Variants in KIF3A observed in about 807,000 individuals in gnomAD.
KIF3A encodes kinesin-like protein KIF3A.
In KIF3A, 27 loss-of-function variants were observed where a neutral mutation model predicts 92.6. The ratio of observed to expected loss-of-function variants is 0.29; its 90% CI spans 0.21 to 0.40. The LOEUF (loss-of-function observed/expected upper bound fraction) is 0.40. Among genes scored for constraint, KIF3A ranks in the 10% least tolerant of loss-of-function variants. KIF3A has a pLI of 1.00. For missense variants in KIF3A, 581 were observed against 872.6 expected (o/e 0.67, Z 4.21); for synonymous variants, 250 against 275.4 (o/e 0.91, Z 0.92).
chr5:132,703,445 C>A lies in KIF3A; in HGVS notation c.1466+18G>T. Reference sequence around the variant, plus strand: ...AGAAATTTAAATCATGAATTCATCTCAATTCAATAATACTCACTGGGCTTT... The same window carrying A: ...AGAAATTTAAATCATGAATTCATCTAAATTCAATAATACTCACTGGGCTTT... On this transcript the variant is annotated intron_variant, in intron 12 of 18. Transcript: ENST00000403231. 4 of 1,558,268 alleles carry A rather than the reference C, an allele frequency of 2.6e-6. No individual in the cohort carries two copies. Among genetic ancestry groups the A allele is most frequent in the Non-Finnish European group, 3.5e-6 (4 of 1,141,648 alleles).
intron 5 of KIF3A, among the ~76,000 whole-genome samples, chr5:132,717,319 G>C (rs2149907775): frequency 6.6e-6 from 1 of 152,236 alleles, no homozygotes; most frequent in South Asian, 2.1e-4. Flanking sequence ...CTAAAGAGAA[G>C]TATGCATGCT....
At position 132,705,619 on chromosome 5, in the gene KIF3A, T is replaced by C. The variant is rs571802068; in HGVS notation, c.1309+832A>G. Among the ~76,000 whole-genome samples the C allele has an allele frequency of 1.6e-4, 25 of 152,156 alleles. No individual in the cohort carries two copies. The South Asian group carries it at 1.7e-3, about 10-fold the overall frequency. On this transcript the variant is annotated intron_variant, in intron 11 of 18. Transcript: ENST00000403231. The stretch of plus-strand genomic sequence containing the variant: ...CAGGTATGTTTCCAAACTGATACTT[T>C]AGCAGCAAAAATCTTATTGTGGTCT...
intron 16 of KIF3A, 113 bp from the exon 17 acceptor site, chr5:132,700,397 T>C (rs1461257191): frequency 2.7e-6 from 2 of 742,588 alleles, no homozygotes; most frequent in Non-Finnish European, 4.5e-6. Context: ...ATGATTTGAA[T>C]GCTAGAGCAG....
chr5:132,710,068 T>C (rs773739357), intron 9 of KIF3A, among the ~76,000 whole-genome samples: 32 of 152,236 alleles, frequency 2.1e-4, no homozygotes, highest in Non-Finnish European at 4.1e-4. Flanking sequence ...GTAAAAAGGT[T>C]TGAAATGTAG....
Position 132,696,476 on chromosome 5 carries a change from CTA to C in KIF3A, c.*156_*157del, listed in dbSNP as rs1410143434. The C allele has an allele frequency of 1.7e-6, 1 of 598,536 alleles. No homozygotes were observed. The highest frequency in any genetic ancestry group is 3.0e-6 in the Non-Finnish European group (1 of 328,368). 37.1% of individuals were successfully genotyped at this position (598,536 alleles called of 1,614,324 possible). On this transcript the variant is annotated 3_prime_UTR_variant, in exon 19 of 19. Transcript: ENST00000403231. ...TTAATGTTATATTAATATATGTAGA[CTA>C]AAAGTTCTTAAGCAAATTATTATTT...
At position 132,720,694 on chromosome 5, in the gene KIF3A, C is replaced by T; in HGVS notation, c.531G>A (p.Val177=). The T allele has an allele frequency of 3.7e-6, 6 of 1,604,228 alleles. No homozygotes were observed. Among genetic ancestry groups the T allele is most frequent in the Non-Finnish European group, 4.3e-6 (5 of 1,172,670 alleles). ...QRLEVKERPD[V]GVYIKDLSAY... is the part of the protein sequence containing the mutation. ...CTGATAAATCTTTGATATAAACTCC[C>T]ACATCAGGTCTTTCTTTAACCTAAA... The change falls in exon 5 of 19, where the codon GTG becomes GTA. Residue 177 remains valine (V), a synonymous_variant. Coordinates refer to ENST00000403231, the MANE Select transcript of KIF3A (RefSeq NM_001300791.2).
At position 132,737,452 on chromosome 5, in the gene KIF3A, C is replaced by G; in HGVS notation, c.-33G>C. The stretch of plus-strand genomic sequence containing the variant: ...CCCTCCCGTGCCCGGCGGACGTCCC[C>G]GCCCGGGGTGCAGCCCAGCGACACC... On this transcript the variant is annotated 5_prime_UTR_variant, in exon 1 of 19. Coordinates refer to ENST00000403231, the MANE Select transcript of KIF3A (RefSeq NM_001300791.2). 6.2e-7 allele frequency: 1 copy of G among 1,600,916 alleles called. No individual in the cohort carries two copies. Among genetic ancestry groups the G allele is most frequent in the East Asian group, 2.3e-5 (1 of 42,950 alleles).
chr5:132,700,824 A>T, intron 15 of KIF3A, 124 bp from the exon 16 acceptor site: 1 of 555,498 alleles, frequency 1.8e-6, no homozygotes, highest in Non-Finnish European at 3.2e-6. Flanking sequence ...ATACTGATAT[A>T]ACCTTTTTAT....
intron 18 of KIF3A, chr5:132,697,870 T>C (rs1752890947): frequency 6.6e-6 from 1 of 152,206 alleles, no homozygotes; most frequent in East Asian, 1.9e-4. Context: ...ACTGCCAATT[T>C]TTCTCCTACG....
chr5:132,704,364 G>T (rs1219403872), intron 11 of KIF3A, among the ~76,000 whole-genome samples: 1 of 151,818 alleles, frequency 6.6e-6, no homozygotes, highest in Non-Finnish European at 1.5e-5. Flanking sequence ...GGACCCGAAG[G>T]CTCCCTAAGT....
intron 17 of KIF3A, chr5:132,699,615 G>C (rs553831609): frequency 1.4e-4 from 61 of 444,820 alleles, no homozygotes; most frequent in African/African-American, 1.2e-3. Context: ...CTGGAGTGCA[G>C]TAGCGCGATC....
intron 17 of KIF3A, 110 bp from the exon 18 acceptor site, chr5:132,699,405 A>T: frequency 9.8e-7 from 1 of 1,021,124 alleles, no homozygotes; most frequent in Non-Finnish European, 1.5e-6. Flanking sequence ...CACAGAAGCT[A>T]AAACCAAAGA....
intron 4 of KIF3A, 38 bp from the exon 5 acceptor site, chr5:132,720,752 T>C: frequency 2.6e-6 from 3 of 1,132,542 alleles, no homozygotes; most frequent in Non-Finnish European, 3.9e-6. Flanking sequence ...TATCAATAAC[T>C]CTTCCACAAT....
chr5:132,737,341 T>A, intron 1 of KIF3A, 73 bp downstream of exon 1: 2 of 1,527,814 alleles, frequency 1.3e-6, no homozygotes, highest in Non-Finnish European at 1.8e-6. Flanking sequence ...CGCGCCTCCA[T>A]GGCAACGGCC....
At chr5:132,696,817 G>A (rs889649075) in intron 18 of KIF3A, 135 bp from the exon 19 acceptor site, 1 of 629,848 alleles carries the variant, frequency 1.6e-6, no homozygotes. Context: ...GTTTGACCAT[G>A]GTAAGTGTTC....
rs1176913455 is a variant in KIF3A, at chr5:132,695,832, A to T, written c.*802T>A. On this transcript the variant is annotated 3_prime_UTR_variant, in exon 19 of 19. Transcript: ENST00000403231. ...CCATAACACTTCAGAGTGAATTTTT[A>T]AAAATATACACGCAGGCAAAGATAA... 6.6e-6 allele frequency: 1 copy of T among 152,330 alleles called. No homozygotes were observed. Among genetic ancestry groups the T allele is most frequent in the Non-Finnish European group, 1.5e-5 (1 of 68,028 alleles). The allele number at this position is 152,330 out of a possible 1,614,324, so 9.4% of individuals were successfully genotyped here. A position where few individuals can be genotyped will look rare whatever the true frequency, so the allele number is the denominator to read the frequency against.
At chr5:132,702,731 T>TA in intron 13 of KIF3A, 63 bp from the exon 14 acceptor site, 3 of 1,363,522 alleles carry the variant, frequency 2.2e-6, no homozygotes, top group African/African-American at 2.9e-5. Context: ...TCTAATTCTT[T>TA]AACAAATGAC....
intron 2 of KIF3A, 113 bp downstream of exon 2, chr5:132,734,092 C>CA (rs1390375929): frequency 2.3e-6 from 2 of 856,032 alleles, no homozygotes; most frequent in East Asian, 5.2e-5. Flanking sequence ...GATGGTTTCA[C>CA]AACTGTATAT....
chr5:132,733,572 T>C (rs1217180046), intron 2 of KIF3A, among the ~76,000 whole-genome samples: 1 of 152,180 alleles, frequency 6.6e-6, no homozygotes, highest in Non-Finnish European at 1.5e-5. Context: ...GTTCAAGACC[T>C]GACTGAGCAA....
Sources: gnomAD v4.1 joint callset for allele counts (sites outside exome capture counted in the v4.1 genomes callset) on GRCh38, gnomAD v4.1.1 for gene constraint, MANE v1.5 for transcripts, NCBI Gene and HGNC (gene_info 2026-07-23, HGNC 2026-07-21) for gene names.